Variants in HTR2C observed in about 807,000 individuals in gnomAD.
HTR2C encodes the protein 5-hydroxytryptamine (serotonin) receptor 2C, G protein-coupled.
Under a neutral mutation model 21.0 loss-of-function variants are expected in HTR2C, and 5 were observed. That is an observed-to-expected ratio of 0.24 (90% CI 0.12 to 0.50). HTR2C has a LOEUF of 0.50. HTR2C is among the 20% of genes least tolerant of loss of function. The pLI is 0.98. For missense variants in HTR2C, 271 were observed against 371.2 expected (o/e 0.73, Z 2.22); for synonymous variants, 150 against 145.3 (o/e 1.03, Z -0.23).
chrX:114,641,471 A>G (rs1165191148), intron 2 of HTR2C, among the ~76,000 whole-genome samples: 4 of 111,334 alleles, frequency 3.6e-5, no homozygotes, highest in African/African-American at 1.3e-4. Context: ...ATTTCTGACT[A>G]GCTCTCATAG....
chrX:114,772,406 T>C (rs1317096507), intron 4 of HTR2C, among the ~76,000 whole-genome samples: 1 of 109,840 alleles, frequency 9.1e-6, no homozygotes, highest in Non-Finnish European at 1.9e-5. Flanking sequence ...TTAAATTAGG[T>C]TTCCAACAAG....
At chrX:114,689,079 T>C (rs1556414720) in intron 2 of HTR2C, among the ~76,000 whole-genome samples, 1 of 107,730 alleles carries the variant, frequency 9.3e-6, no homozygotes, top group African/African-American at 3.4e-5. Context: ...AGTGAGAACA[T>C]ACAATGTTTG....
At chrX:114,899,710 C>A (rs1205780906) in intron 5 of HTR2C, among the ~76,000 whole-genome samples, 3 of 110,970 alleles carry the variant, frequency 2.7e-5, no homozygotes, top group Non-Finnish European at 5.7e-5. Flanking sequence ...TTTCCCTGAT[C>A]AGTCCCAAAG....
chrX:114,625,815 G>C (rs1282358065), intron 2 of HTR2C, among the ~76,000 whole-genome samples: 9 of 110,864 alleles, frequency 8.1e-5, no homozygotes, highest in African/African-American at 3.0e-4. Context: ...TGAAAAGCTT[G>C]GAAACCAATG....
chrX:114,705,442 A>G lies in HTR2C; in HGVS notation c.-79-21416A>G, dbSNP rs1334374096. Among the ~76,000 whole-genome samples, 18 of 108,766 alleles carry G rather than the reference A, an allele frequency of 1.7e-4. No homozygotes were observed. In the South Asian group the frequency reaches 2.5e-3, roughly 15 times the overall value. The allele number at this position is 108,766 out of a possible 115,157, so 94.5% of individuals were successfully genotyped here. ...ATCTGATCTTTGACAAACCTGAGAAAAACAAGCAATGGGGAAAGGATTCCC... is the reference window on the plus strand; with the variant it reads ...ATCTGATCTTTGACAAACCTGAGAAGAACAAGCAATGGGGAAAGGATTCCC... On this transcript the variant is annotated intron_variant, in intron 2 of 5. Coordinates refer to ENST00000276198, the MANE Select transcript of HTR2C (RefSeq NM_000868.4).
At chrX:114,831,049 A>G (rs2070721490) in intron 4 of HTR2C, among the ~76,000 whole-genome samples, 1 of 76,314 alleles carries the variant, frequency 1.3e-5, no homozygotes, top group African/African-American at 4.4e-5. Flanking sequence ...ATGGCTGCAT[A>G]GTATTCCATG....
intron 4 of HTR2C, among the ~76,000 whole-genome samples, chrX:114,826,670 T>A (rs781788070): frequency 8.9e-6 from 1 of 111,750 alleles, no homozygotes; most frequent in African/African-American, 3.2e-5. Flanking sequence ...TGTACAACTA[T>A]CTATATTATT....
chrX:114,813,243 A>G (rs1486846698), intron 4 of HTR2C, among the ~76,000 whole-genome samples: 1 of 112,126 alleles, frequency 8.9e-6, no homozygotes, highest in African/African-American at 3.2e-5. Flanking sequence ...AATTTTTGAT[A>G]ACAATTTAGT....
intron 4 of HTR2C, among the ~76,000 whole-genome samples, chrX:114,774,224 G>T (rs1252216863): frequency 9.0e-6 from 1 of 111,522 alleles, no homozygotes; most frequent in Non-Finnish European, 1.9e-5. Flanking sequence ...ACAACATGAG[G>T]TTATGTGCTA....
chrX:114,616,230 T>G (rs1318332908), intron 2 of HTR2C, among the ~76,000 whole-genome samples: 1 of 109,330 alleles, frequency 9.1e-6, no homozygotes, highest in African/African-American at 3.3e-5. Flanking sequence ...TTTGGGTTGT[T>G]TTTTTTTTAA....
At chrX:114,726,039 C>G (rs1556421856) in intron 2 of HTR2C, among the ~76,000 whole-genome samples, 1 of 111,738 alleles carries the variant, frequency 8.9e-6, no homozygotes, top group African/African-American at 3.2e-5. Flanking sequence ...GTGGTGGGTT[C>G]CACCCAGTTC....
At chrX:114,586,248 T>C (rs2147784851) in intron 1 of HTR2C, among the ~76,000 whole-genome samples, 1 of 111,463 alleles carries the variant, frequency 9.0e-6, no homozygotes. Flanking sequence ...TTCTGAAGAG[T>C]ATAATCTCCT....
intron 2 of HTR2C, among the ~76,000 whole-genome samples, chrX:114,653,966 G>A (rs1369820101): frequency 9.1e-6 from 1 of 110,154 alleles, no homozygotes; most frequent in Non-Finnish European, 1.9e-5. Flanking sequence ...AACCTTGTCT[G>A]TCTCATACTC....
intron 4 of HTR2C, among the ~76,000 whole-genome samples, chrX:114,778,088 T>A (rs1414142764): frequency 8.9e-6 from 1 of 111,848 alleles, no homozygotes; most frequent in African/African-American, 3.3e-5. Flanking sequence ...AGATATTTTT[T>A]AATAATGAAA....
In HTR2C at chrX:114,905,022, CTAA is replaced by C. The variant is rs1342249005; in HGVS notation, c.551-1562_551-1560del. ...AAAAATCACTTTCTCTTTTCTCCTT[CTAA>C]TAATTGTCATTCCACCCCATCTAGG... On this transcript the variant is annotated intron_variant, in intron 5 of 5. Coordinates refer to ENST00000276198, the MANE Select transcript of HTR2C (RefSeq NM_000868.4). Among the ~76,000 whole-genome samples the C allele has an allele frequency of 2.7e-5, 3 of 110,704 alleles. No individual in the cohort carries two copies. The Admixed American group carries it at 2.9e-4, about 11-fold the overall frequency.
At chrX:114,656,459 G>T (rs1234989932) in intron 2 of HTR2C, among the ~76,000 whole-genome samples, 1 of 111,004 alleles carries the variant, frequency 9.0e-6, no homozygotes, top group Non-Finnish European at 1.9e-5. Flanking sequence ...TGCAATAAAA[G>T]TCCTGCTTTC....
rs782288836 is a variant in HTR2C at position 114,757,974 on chromosome X, A to AACAC, written c.349+26381_349+26384dup. Among the ~76,000 whole-genome samples the AACAC allele has an allele frequency of 2.8e-4, 30 of 108,754 alleles. No individual in the cohort carries two copies. The East Asian group carries it at 8.7e-3, about 32-fold the overall frequency. The allele number at this position is 108,754 out of a possible 115,157, so 94.4% of individuals were successfully genotyped here. Reference sequence around the variant, plus strand: ...AAAAACATGAACACACATACACACAAACACACACACACACACAGAAATAAT... The same window carrying AACAC: ...AAAAACATGAACACACATACACACAAACACACACACACACACACACAGAAATAAT... On this transcript the variant is annotated intron_variant, in intron 4 of 5. Transcript: ENST00000276198.
At chrX:114,722,478 C>T (rs1162668036) in intron 2 of HTR2C, among the ~76,000 whole-genome samples, 2 of 111,160 alleles carry the variant, frequency 1.8e-5, no homozygotes, top group East Asian at 2.8e-4. Flanking sequence ...AATTTGACGT[C>T]CTCTTTTCCT....
intron 2 of HTR2C, among the ~76,000 whole-genome samples, chrX:114,664,624 C>T (rs1025143407): frequency 2.7e-5 from 3 of 111,878 alleles, no homozygotes; most frequent in South Asian, 3.7e-4. Context: ...CTATCATTGA[C>T]GGGCATTTAT....
Sources: gnomAD v4.1 joint callset for allele counts (sites outside exome capture counted in the v4.1 genomes callset) on GRCh38, gnomAD v4.1.1 for gene constraint, MANE v1.5 for transcripts, NCBI Gene and HGNC (gene_info 2026-07-23, HGNC 2026-07-21) for gene names.